The following ALX4 variants were observed in gnomAD, a reference collection of about 807,000 sequenced individuals.
ALX4 encodes the protein ALX homeobox 4.
A neutral mutation model predicts 40.6 loss-of-function variants in ALX4; 22 were observed. The ratio of observed to expected loss-of-function variants is 0.54; its 90% CI spans 0.39 to 0.77. ALX4 has a LOEUF of 0.77. ALX4 is among the 30% of genes least tolerant of loss of function. The pLI, the probability that ALX4 is intolerant of heterozygous loss-of-function variation, is 0.00. For missense variants in ALX4, 556 were observed against 564.8 expected (o/e 0.98, Z 0.16); for synonymous variants, 266 against 240.5 (o/e 1.11, Z -0.98).
intron 1 of ALX4, among the ~76,000 whole-genome samples, chr11:44,309,176 A>AGCCCCGCAGCCCCGCC (rs1956488706): frequency 2.0e-5 from 1 of 48,834 alleles, no homozygotes; most frequent in African/African-American, 4.4e-5. Flanking sequence ...GCAGCCCCGC[A>AGCCCCGCAGCCCCGCC]GCCTCGCAGC....
chr11:44,308,412 G>T (rs960974422), intron 1 of ALX4, among the ~76,000 whole-genome samples: 2 of 152,242 alleles, frequency 1.3e-5, no homozygotes, highest in African/African-American at 4.8e-5. Context: ...CATCAGCCTG[G>T]ATCAGGGCAA....
intron 1 of ALX4, among the ~76,000 whole-genome samples, chr11:44,278,312 A>C (rs1379547582): frequency 6.6e-6 from 1 of 152,214 alleles, no homozygotes; most frequent in African/African-American, 2.4e-5. Context: ...AATTCCGGAC[A>C]GAGCACAGCC....
rs1416418714 is a variant in ALX4 at position 44,263,121 on chromosome 11, G to C, written c.*1733C>G. ...CGGGAGACTGTCACCCCCAACCCCA[G>C]AGACCCTCATTCAACAACACCAAGT... On this transcript the variant is annotated 3_prime_UTR_variant, in exon 4 of 4. Transcript: ENST00000652299. The C allele has an allele frequency of 6.6e-6, 1 of 152,192 alleles. No homozygotes were observed. Among genetic ancestry groups the C allele is most frequent in the Non-Finnish European group, 1.5e-5 (1 of 68,092 alleles). 9.4% of individuals were successfully genotyped at this position (152,192 alleles called of 1,614,324 possible).
chr11:44,275,548 G>C lies in ALX4; in HGVS notation c.577C>G (p.Arg193Gly), dbSNP rs773510510. ...GGGCTGGGGAGGTCTGAGCTGGCCCGGTCCTGGGGCCCCTTCACCCCAGCC... is the reference window on the plus strand; with the variant it reads ...GGGCTGGGGAGGTCTGAGCTGGCCCCGTCCTGGGGCCCCTTCACCCCAGCC... ...KEAGVKGPQD[R>G]ASSDLPSPLE... is the part of the protein sequence containing the mutation. The change falls in exon 2 of 4, where the codon CGG becomes GGG. Residue 193 changes from arginine (R) to glycine (G), a missense_variant. Transcript: ENST00000652299. 1 of 1,614,158 alleles carries C rather than the reference G, an allele frequency of 6.2e-7. No homozygotes were observed. Among genetic ancestry groups the C allele is most frequent in the Non-Finnish European group, 8.5e-7 (1 of 1,180,018 alleles).
chr11:44,286,475 G>A (rs1421221621), intron 1 of ALX4, among the ~76,000 whole-genome samples: 4 of 152,152 alleles, frequency 2.6e-5, no homozygotes, highest in African/African-American at 9.7e-5. Flanking sequence ...GACTGCAGTT[G>A]TGCATGCTGG....
At chr11:44,266,813 G>A (rs1295147817) in intron 3 of ALX4, among the ~76,000 whole-genome samples, 3 of 152,180 alleles carry the variant, frequency 2.0e-5, no homozygotes, top group Admixed American at 6.5e-5. Context: ...ACTAGAACAG[G>A]GGACTGGCTG....
In ALX4 at chr11:44,292,370, T is replaced by C. The variant is rs1011735591; in HGVS notation, c.467-16712A>G. 5.1e-5 allele frequency among the ~76,000 whole-genome samples: 7 copies of C among 138,186 alleles called. No individual in the cohort carries two copies. The Admixed American group carries it at 5.7e-4, about 11-fold the overall frequency. 90.7% of individuals were successfully genotyped at this position (138,186 alleles called of 152,430 possible). A position where few individuals can be genotyped will look rare whatever the true frequency, so the allele number is the denominator to read the frequency against. The stretch of plus-strand genomic sequence containing the variant: ...ATGGGCACACAACATCACAGCTGGC[T>C]AATTAAATTTTTTTTTTTTTTTTTT... On this transcript the variant is annotated intron_variant, in intron 1 of 3. Transcript: ENST00000652299.
chr11:44,309,429 A>G (rs1956491970), intron 1 of ALX4, among the ~76,000 whole-genome samples, 168 bp downstream of exon 1: 1 of 152,198 alleles, frequency 6.6e-6, no homozygotes, highest in Admixed American at 6.5e-5. Flanking sequence ...AAGGAGACAG[A>G]ACAGATCCCT....
intron 1 of ALX4, among the ~76,000 whole-genome samples, chr11:44,277,946 C>T (rs1590692776): frequency 6.6e-6 from 1 of 152,082 alleles, no homozygotes; most frequent in East Asian, 1.9e-4. Flanking sequence ...CAGCTGGCAG[C>T]TGGGCCAAGA....
intron 1 of ALX4, among the ~76,000 whole-genome samples, chr11:44,276,977 G>A (rs1021866085): frequency 2.0e-5 from 3 of 152,126 alleles, no homozygotes; most frequent in Admixed American, 6.5e-5. Flanking sequence ...GGGGGCTAAG[G>A]ACCCCTGGTT....
chr11:44,307,465 C>T (rs929345372), intron 1 of ALX4, among the ~76,000 whole-genome samples: 3 of 152,234 alleles, frequency 2.0e-5, no homozygotes, highest in Non-Finnish European at 2.9e-5. Context: ...CAGGCCTCTC[C>T]GCCTTCCCTC....
intron 1 of ALX4, among the ~76,000 whole-genome samples, chr11:44,285,037 T>C (rs1460865919): frequency 6.6e-6 from 1 of 152,044 alleles, no homozygotes; most frequent in African/African-American, 2.4e-5. Context: ...CACTCTTGGC[T>C]CAGTGCAACC....
chr11:44,279,848 G>A (rs560085314), intron 1 of ALX4, among the ~76,000 whole-genome samples: 12 of 152,210 alleles, frequency 7.9e-5, no homozygotes, highest in African/African-American at 1.9e-4. Flanking sequence ...ACCTCATGCC[G>A]TTTGTCCCTT....
chr11:44,265,211 G>T (rs773825623), intron 3 of ALX4, 28 bp from the exon 4 acceptor site: 6 of 1,570,478 alleles, frequency 3.8e-6, no homozygotes, highest in South Asian at 3.6e-5. Context: ...AGATGTCACC[G>T]GCTGGCGGGC....
chr11:44,281,622 C>G (rs933886243), intron 1 of ALX4, among the ~76,000 whole-genome samples: 3 of 151,936 alleles, frequency 2.0e-5, no homozygotes, highest in Non-Finnish European at 4.4e-5. Flanking sequence ...AGCATGAGGC[C>G]CTTTCATGCT....
chr11:44,299,602 C>T (rs1172926878), intron 1 of ALX4, among the ~76,000 whole-genome samples: 4 of 152,038 alleles, frequency 2.6e-5, no homozygotes, highest in Non-Finnish European at 2.9e-5. Context: ...CTTTGTGATC[C>T]GCCCGCCTAG....
chr11:44,302,743 C>T (rs1956441993), intron 1 of ALX4, among the ~76,000 whole-genome samples: 1 of 152,158 alleles, frequency 6.6e-6, no homozygotes. Flanking sequence ...GACCTCTAGC[C>T]GGCTTTGTGT....
intron 1 of ALX4, among the ~76,000 whole-genome samples, chr11:44,279,894 GC>G (rs1956299040): frequency 1.3e-5 from 2 of 151,924 alleles, no homozygotes; most frequent in Non-Finnish European, 3.0e-5. Flanking sequence ...AGGTCAGGTG[GC>G]AGAGATGCAG....
intron 1 of ALX4, among the ~76,000 whole-genome samples, chr11:44,304,411 G>A (rs1167892208): frequency 6.6e-6 from 1 of 152,142 alleles, no homozygotes; most frequent in East Asian, 1.9e-4. Flanking sequence ...CTGGTTAAGC[G>A]TTCTCTCTTC....
Sources: gnomAD v4.1 joint callset for allele counts (sites outside exome capture counted in the v4.1 genomes callset) on GRCh38, gnomAD v4.1.1 for gene constraint, MANE v1.5 for transcripts, NCBI Gene and HGNC (gene_info 2026-07-23, HGNC 2026-07-21) for gene names.